The following KIF13A variants were observed in gnomAD, a reference collection of about 807,000 sequenced individuals.
KIF13A encodes kinesin-like protein KIF13A.
KIF13A carries 79 observed loss-of-function variants against 212.2 expected under a neutral mutation model. That is an observed-to-expected ratio of 0.37 (90% CI 0.31 to 0.45). The LOEUF (loss-of-function observed/expected upper bound fraction) is 0.45. Ranked by LOEUF, KIF13A falls within the 20% of genes least tolerant of loss-of-function variation. The pLI, the probability that KIF13A is intolerant of heterozygous loss-of-function variation, is 1.00. For missense variants in KIF13A, 1,901 were observed against 2,209.0 expected (o/e 0.86, Z 2.79); for synonymous variants, 789 against 808.6 (o/e 0.98, Z 0.41).
chr6:17,944,417 C>A (rs1424923445), intron 2 of KIF13A, among the ~76,000 whole-genome samples: 2 of 152,172 alleles, frequency 1.3e-5, no homozygotes, highest in African/African-American at 2.4e-5. Flanking sequence ...AGTTACCATT[C>A]CCTGACCCTG....
In KIF13A at chr6:17,900,442, T is replaced by C. The variant is rs1339002626; in HGVS notation, c.147-2262A>G. Among the ~76,000 whole-genome samples, 5 of 152,252 alleles carry C rather than the reference T, an allele frequency of 3.3e-5. No individual in the cohort carries two copies. Among genetic ancestry groups the C allele is most frequent in the African/African-American group, 4.8e-5 (2 of 41,464 alleles). ...TTAAAAGTCTTTCTCACTTAGAAGATAGCCCATAACATGGGAATACCAATA... is the reference window on the plus strand; with the variant it reads ...TTAAAAGTCTTTCTCACTTAGAAGACAGCCCATAACATGGGAATACCAATA... On this transcript the variant is annotated intron_variant, in intron 2 of 38. Transcript: ENST00000259711. The surrounding 1 kb of genome is among the most constrained non-coding windows in gnomAD (Gnocchi z 4.6).
intron 2 of KIF13A, among the ~76,000 whole-genome samples, chr6:17,976,317 C>G (rs903768657): frequency 6.6e-6 from 1 of 152,220 alleles, no homozygotes; most frequent in Admixed American, 6.5e-5. Context: ...GGCTGCAGGT[C>G]GCGAGCCCTG....
intron 2 of KIF13A, among the ~76,000 whole-genome samples, chr6:17,959,007 C>T (rs749098837): frequency 6.0e-5 from 9 of 151,202 alleles, no homozygotes; most frequent in Non-Finnish European, 1.2e-4. Flanking sequence ...CAGCCTCCCA[C>T]GTAGCTCCCA....
chr6:17,839,845 T>C lies in KIF13A; in HGVS notation c.831-2262A>G, dbSNP rs187954525. ...AAGGGGAGAGGCATGGAACAGATTC[T>C]CCCTCTGACCTGCTAAGAGGGAACA... is the stretch of plus-strand genomic sequence containing the variant. On this transcript the variant is annotated intron_variant, in intron 9 of 38. Transcript: ENST00000259711. This position sits in a 1 kb window ranked among gnomAD's most constrained non-coding sequence, Gnocchi z 4.3. Among the ~76,000 whole-genome samples the C allele has an allele frequency of 3.3e-4, 50 of 152,260 alleles. No homozygotes were observed. The highest frequency in any genetic ancestry group is 1.2e-3 in the Admixed American group (19 of 15,286).
chr6:17,822,388 G>A (rs925635209), intron 16 of KIF13A, among the ~76,000 whole-genome samples: 5 of 152,160 alleles, frequency 3.3e-5, no homozygotes, highest in African/African-American at 1.2e-4. Context: ...GGAGAGCAAG[G>A]CCTGATCTGG....
chr6:17,805,277 G>GTGTT (rs1184947584), intron 19 of KIF13A, among the ~76,000 whole-genome samples, 198 bp downstream of exon 19: 1 of 152,096 alleles, frequency 6.6e-6, no homozygotes, highest in African/African-American at 2.4e-5. Flanking sequence ...TGGGGATCAT[G>GTGTT]TGTTGTATTA....
In KIF13A at chr6:17,987,339, C is replaced by A. The variant is rs1429290402; in HGVS notation, c.55+70G>T. On this transcript the variant is annotated intron_variant, in intron 1 of 38. Transcript: ENST00000259711. The surrounding 1 kb of genome is among the most constrained non-coding windows in gnomAD (Gnocchi z 7.7). ...CCCGGCCGCGCTCTCGCCGTCCCGG[C>A]CCCGCAGTTTCTAAAGTTGCCCCCG... is the stretch of plus-strand genomic sequence containing the variant. 7.8e-6 allele frequency: 9 copies of A among 1,154,098 alleles called. No homozygotes were observed. The Admixed American group carries it at 2.6e-4, about 34-fold the overall frequency. 71.5% of individuals were successfully genotyped at this position (1,154,098 alleles called of 1,614,324 possible). A position where few individuals can be genotyped will look rare whatever the true frequency, so the allele number is the denominator to read the frequency against.
Position 17,786,402 on chromosome 6 carries a change from C to A in KIF13A, c.3362-761G>T, listed in dbSNP as rs1208929679. Among the ~76,000 whole-genome samples, 10 of 152,052 alleles carry A rather than the reference C, an allele frequency of 6.6e-5. No individual in the cohort carries two copies. The highest frequency in any genetic ancestry group is 2.2e-4 in the African/African-American group (9 of 41,412). ...TCTCCTGAGGTCAGGAGTTCAAAAC[C>A]AGCCTGACCAATATGGTAAAACCCT... On this transcript the variant is annotated intron_variant, in intron 27 of 38. Coordinates refer to ENST00000259711, the MANE Select transcript of KIF13A (RefSeq NM_022113.6). The surrounding 1 kb of genome is among the most constrained non-coding windows in gnomAD (Gnocchi z 5.4).
At chr6:17,917,231 G>C (rs1186165437) in intron 2 of KIF13A, among the ~76,000 whole-genome samples, 1 of 134,916 alleles carries the variant, frequency 7.4e-6, no homozygotes, top group African/African-American at 2.8e-5. Flanking sequence ...CATTTTACAC[G>C]ATTCTTTTTT....
At chr6:17,932,417 T>C (rs1776060255) in intron 2 of KIF13A, among the ~76,000 whole-genome samples, 1 of 152,232 alleles carries the variant, frequency 6.6e-6, no homozygotes, top group African/African-American at 2.4e-5. Context: ...AGTCATTTAG[T>C]AACGTTGCGA....
At chr6:17,881,343 A>G in intron 3 of KIF13A, 1 of 339,964 alleles carries the variant, frequency 2.9e-6, no homozygotes, top group Non-Finnish European at 5.7e-6. Context: ...ATCTGAGGTA[A>G]TGAAGTTCCA....
intron 18 of KIF13A, 122 bp from the exon 19 acceptor site, chr6:17,805,737 T>C: frequency 2.4e-6 from 2 of 839,752 alleles, no homozygotes; most frequent in South Asian, 1.9e-5. Context: ...CAAAAGAAGA[T>C]AAAATTCTAC....
chr6:17,815,472 G>A (rs1763842956), intron 17 of KIF13A: 1 of 185,558 alleles, frequency 5.4e-6, no homozygotes, highest in South Asian at 9.3e-5. Flanking sequence ...ACCAAGGCCC[G>A]CTAGGTAATG....
Position 17,779,689 on chromosome 6 carries a change from T to TA in KIF13A, c.3847-6dup, listed in dbSNP as rs1760347892. On this transcript the variant is annotated splice_region_variant and splice_polypyrimidine_tract_variant and intron_variant, in intron 31 of 38. Coordinates refer to ENST00000259711, the MANE Select transcript of KIF13A (RefSeq NM_022113.6). ...CTTCAAACTCTGCGTGAAACTCTAG[T>TA]AGAAAAAAAAAAAAGCTGTATTAAG... is the stretch of plus-strand genomic sequence containing the variant. The TA allele has an allele frequency of 1.6e-6, 2 of 1,213,222 alleles. No homozygotes were observed. The highest frequency in any genetic ancestry group is 2.1e-5 in the Admixed American group (1 of 46,992). The allele number at this position is 1,213,222 out of a possible 1,614,324, so 75.2% of individuals were successfully genotyped here. A position where few individuals can be genotyped will look rare whatever the true frequency, so the allele number is the denominator to read the frequency against.
chr6:17,797,093 G>A (rs189099717), intron 22 of KIF13A, among the ~76,000 whole-genome samples: 57 of 151,076 alleles, frequency 3.8e-4, no homozygotes, highest in African/African-American at 1.3e-3. Flanking sequence ...GCAGTGGTGC[G>A]ATCTCCGCTC....
chr6:17,841,983 A>T (rs1766559241), intron 9 of KIF13A, among the ~76,000 whole-genome samples: 1 of 147,240 alleles, frequency 6.8e-6, no homozygotes. Flanking sequence ...ACATGTATGT[A>T]TGTGTATATA....
rs1050176208 is a variant in KIF13A at position 17,963,311 on chromosome 6, G to A, written c.146+23743C>T. ...CGGGCGCCTGTAGTCCCAGCTACTC[G>A]GGAGGCTGACGCAGGAGAATCACTT... On this transcript the variant is annotated intron_variant, in intron 2 of 38. Coordinates refer to ENST00000259711, the MANE Select transcript of KIF13A (RefSeq NM_022113.6). This position sits in a 1 kb window ranked among gnomAD's most constrained non-coding sequence, Gnocchi z 4.1. Among the ~76,000 whole-genome samples the A allele has an allele frequency of 5.3e-5, 8 of 152,116 alleles. No homozygotes were observed. Among genetic ancestry groups the A allele is most frequent in the Non-Finnish European group, 1.2e-4 (8 of 68,026 alleles).
At chr6:17,939,527 T>A (rs970601289) in intron 2 of KIF13A, among the ~76,000 whole-genome samples, 1 of 152,130 alleles carries the variant, frequency 6.6e-6, no homozygotes, top group African/African-American at 2.4e-5. Context: ...AAGGGCTGGG[T>A]AAAATAAGGC....
chr6:17,823,393 TTCTCTC>T (rs372974768), intron 16 of KIF13A, among the ~76,000 whole-genome samples: 12 of 147,970 alleles, frequency 8.1e-5, no homozygotes, highest in African/African-American at 2.5e-4. Context: ...CTGGCTGTCT[TTCTCTC>T]TCTCTCTCTC....
Sources: gnomAD v4.1 joint callset for allele counts (sites outside exome capture counted in the v4.1 genomes callset) on GRCh38, gnomAD v4.1.1 for gene constraint, Gnocchi (gnomAD v3.1) non-coding constraint, MANE v1.5 for transcripts, NCBI Gene and HGNC (gene_info 2026-07-23, HGNC 2026-07-21) for gene names.